The following GFM1 variants were observed in gnomAD, a reference collection of about 807,000 sequenced individuals.
GFM1 encodes the protein elongation factor G, mitochondrial.
Under a neutral mutation model 96.2 loss-of-function variants are expected in GFM1, and 62 were observed. The observed-to-expected ratio is 0.64, with a 90% CI of 0.53 to 0.80. The LOEUF (loss-of-function observed/expected upper bound fraction) is 0.80. Among genes scored for constraint, GFM1 ranks in the 30% least tolerant of loss-of-function variants. The pLI is 0.00. For synonymous variants in GFM1, 282 were observed against 312.9 expected, an observed-to-expected ratio of 0.90 and a Z score of 1.04; for missense variants, 852 against 916.6, an observed-to-expected ratio of 0.93 and a Z score of 0.91.
At chr3:158,661,845 GTTTT>G (rs1210517587) in intron 10 of GFM1, among the ~76,000 whole-genome samples, 2 of 151,914 alleles carry the variant, frequency 1.3e-5, no homozygotes, top group African/African-American at 4.8e-5. Context: ...TTATAGTTTA[GTTTT>G]TTTATCTGTA....
rs190365218 is a variant in GFM1, at chr3:158,644,899, G to T, written c.81+184G>T. On this transcript the variant is annotated intron_variant, in intron 1 of 17. Transcript: ENST00000486715. ...ATTAGCTCGTTAGCTCGTTTGTTTCGCTCTCTGGTATCCCTAGGGTTTAAT... is the reference window on the plus strand; with the variant it reads ...ATTAGCTCGTTAGCTCGTTTGTTTCTCTCTCTGGTATCCCTAGGGTTTAAT... The T allele has an allele frequency of 1.0e-4, 64 of 629,380 alleles. No homozygotes were observed. In the African/African-American group the frequency reaches 1.1e-3, roughly 11 times the overall value. The allele number at this position is 629,380 out of a possible 1,614,324, so 39.0% of individuals were successfully genotyped here. A position where few individuals can be genotyped will look rare whatever the true frequency, so the allele number is the denominator to read the frequency against.
At chr3:158,676,986 C>T (rs1724955912) in intron 13 of GFM1, among the ~76,000 whole-genome samples, 3 of 152,214 alleles carry the variant, frequency 2.0e-5, no homozygotes, top group African/African-American at 4.8e-5. Flanking sequence ...AGGCATGAGC[C>T]GCCACGCCCG....
At chr3:158,654,674 T>G (rs1722599248) in intron 8 of GFM1, 43 bp downstream of exon 8, 22 of 1,230,416 alleles carry the variant, frequency 1.8e-5, no homozygotes, top group Non-Finnish European at 2.3e-5. Flanking sequence ...CTGTAGAATG[T>G]TTTTACTTCT....
At position 158,674,425 on chromosome 3, in the gene GFM1, C is replaced by T. The variant is rs138817345; in HGVS notation, c.1602-7570C>T. Reference sequence around the variant, plus strand: ...ACCCATGGCAATATTTTTGCAAATACAGAATATCAGCCAATTTTCGATGGG... The same window carrying T: ...ACCCATGGCAATATTTTTGCAAATATAGAATATCAGCCAATTTTCGATGGG... On this transcript the variant is annotated intron_variant, in intron 13 of 17. Transcript: ENST00000486715. Among the ~76,000 whole-genome samples, 1,410 of 152,152 alleles carry T rather than the reference C, an allele frequency of 9.3e-3. 19 individuals are homozygous for T. Among genetic ancestry groups the T allele is most frequent in the African/African-American group, 0.033 (1,351 of 41,512 alleles).
chr3:158,644,551 G>GT lies in GFM1; in HGVS notation c.-83dup. 9.0e-7 allele frequency: 1 copy of GT among 1,108,014 alleles called. No homozygotes were observed. The highest frequency in any genetic ancestry group is 1.3e-6 in the Non-Finnish European group (1 of 748,652). The allele number at this position is 1,108,014 out of a possible 1,614,324, so 68.6% of individuals were successfully genotyped here. ...TGCTCTTACAACATTGGCTGCCGGCGTGACTTTGACCGCTTCCCGGTGCGT... is the reference window on the plus strand; with the variant it reads ...TGCTCTTACAACATTGGCTGCCGGCGTTGACTTTGACCGCTTCCCGGTGCGT... On this transcript the variant is annotated 5_prime_UTR_variant, in exon 1 of 18. Coordinates refer to ENST00000486715, the MANE Select transcript of GFM1 (RefSeq NM_024996.7).
At chr3:158,662,727 T>G in intron 11 of GFM1, 43 bp downstream of exon 11, 1 of 1,203,308 alleles carries the variant, frequency 8.3e-7, no homozygotes, top group Non-Finnish European at 1.2e-6. Context: ...AATTAAAACT[T>G]GAGCTCTTTT....
At chr3:158,644,809 A>G in intron 1 of GFM1, 94 bp downstream of exon 1, 1 of 1,028,358 alleles carries the variant, frequency 9.7e-7, no homozygotes, top group Non-Finnish European at 1.5e-6. Context: ...CTGGGTCCTC[A>G]TGACTGACAG....
chr3:158,684,012 C>T (rs1257309157), intron 14 of GFM1, among the ~76,000 whole-genome samples: 1 of 152,110 alleles, frequency 6.6e-6, no homozygotes, highest in East Asian at 1.9e-4. Flanking sequence ...CAATACTATG[C>T]AGCCATAAAA....
intron 11 of GFM1, 43 bp from the exon 12 acceptor site, chr3:158,665,291 TATC>T: frequency 6.7e-7 from 1 of 1,483,470 alleles, no homozygotes; most frequent in Non-Finnish European, 9.4e-7. Flanking sequence ...TCCCATTGCT[TATC>T]ATGCTCAGTA....
intron 13 of GFM1, 78 bp downstream of exon 13, chr3:158,666,464 G>A (rs1723693213): frequency 7.8e-7 from 1 of 1,275,350 alleles, no homozygotes; most frequent in Non-Finnish European, 1.1e-6. Context: ...CACTATTACT[G>A]TTTTAAAGAC....
intron 1 of GFM1, 57 bp from the exon 2 acceptor site, chr3:158,645,572 G>A: frequency 2.9e-6 from 4 of 1,396,450 alleles, no homozygotes; most frequent in Non-Finnish European, 4.1e-6. Context: ...CCTTTTAATT[G>A]TCTGTTGTTC....
chr3:158,644,536 A>G lies in GFM1; in HGVS notation c.-99A>G, dbSNP rs557817234. ...CCTTTGCCCCGGAAGTGCTCTTACA[A>G]CATTGGCTGCCGGCGTGACTTTGAC... is the stretch of plus-strand genomic sequence containing the variant. On this transcript the variant is annotated 5_prime_UTR_variant, in exon 1 of 18. Transcript: ENST00000486715. 2.5e-5 allele frequency: 24 copies of G among 941,960 alleles called. No individual in the cohort carries two copies. The highest frequency in any genetic ancestry group is 4.0e-5 in the Non-Finnish European group (24 of 599,314). The allele number at this position is 941,960 out of a possible 1,614,324, so 58.4% of individuals were successfully genotyped here. A position where few individuals can be genotyped will look rare whatever the true frequency, so the allele number is the denominator to read the frequency against.
At chr3:158,645,043 C>A (rs78541993) in intron 1 of GFM1, among the ~76,000 whole-genome samples, 1 of 143,664 alleles carries the variant, frequency 7.0e-6, no homozygotes, top group Non-Finnish European at 1.5e-5. Context: ...GATGTGCAGT[C>A]CTATAGGGAA....
At chr3:158,660,529 T>C (rs1723119134) in intron 9 of GFM1, 1 of 295,310 alleles carries the variant, frequency 3.4e-6, no homozygotes. Flanking sequence ...ATTACAGGCA[T>C]GAGACACCAT....
At chr3:158,647,223 TG>T (rs1306553472) in intron 4 of GFM1, among the ~76,000 whole-genome samples, 1 of 152,220 alleles carries the variant, frequency 6.6e-6, no homozygotes, top group Non-Finnish European at 1.5e-5. Flanking sequence ...TATACTGTTT[TG>T]CTATTATGAG....
chr3:158,672,165 A>G (rs1724385067), intron 13 of GFM1, among the ~76,000 whole-genome samples: 1 of 152,142 alleles, frequency 6.6e-6, no homozygotes, highest in Non-Finnish European at 1.5e-5. Flanking sequence ...GTCTCCAGAG[A>G]CTGGAGTATA....
intron 8 of GFM1, among the ~76,000 whole-genome samples, chr3:158,654,903 T>G (rs901875247): frequency 6.6e-6 from 1 of 152,192 alleles, no homozygotes; most frequent in Admixed American, 6.5e-5. Flanking sequence ...TTATTTAATG[T>G]CACAGTAGAT....
In GFM1 at chr3:158,691,819, A is replaced by G. The variant is rs376156795; in HGVS notation, c.*352A>G. On this transcript the variant is annotated 3_prime_UTR_variant, in exon 18 of 18. Coordinates refer to ENST00000486715, the MANE Select transcript of GFM1 (RefSeq NM_024996.7). ...TGTTCATTTCCAAATTTTGTATCAT[A>G]AGAGTTTTCAACATAGAGAAAAGCT... 9.3e-6 allele frequency: 2 copies of G among 214,106 alleles called. No homozygotes were observed. Among genetic ancestry groups the G allele is most frequent in the Non-Finnish European group, 1.9e-5 (2 of 105,704 alleles). The allele number at this position is 214,106 out of a possible 1,614,324, so 13.3% of individuals were successfully genotyped here.
intron 16 of GFM1, 97 bp downstream of exon 16, chr3:158,690,420 G>C: frequency 2.5e-6 from 3 of 1,199,556 alleles, no homozygotes; most frequent in Non-Finnish European, 3.7e-6. Flanking sequence ...TTTCCTTGCT[G>C]AATTTGTGGC....
Sources: gnomAD v4.1 joint callset for allele counts (sites outside exome capture counted in the v4.1 genomes callset) on GRCh38, gnomAD v4.1.1 for gene constraint, MANE v1.5 for transcripts, NCBI Gene and HGNC (gene_info 2026-07-23, HGNC 2026-07-21) for gene names.